ASB3: variants seen among roughly 807,000 people sequenced by gnomAD.
ASB3 encodes ankyrin repeat and SOCS box protein 3.
ASB3 carries 41 observed loss-of-function variants against 54.5 expected under a neutral mutation model. The ratio of observed to expected loss-of-function variants is 0.75; its 90% CI spans 0.59 to 0.98. The LOEUF is 0.98. Among genes scored for constraint, ASB3 ranks in the 50% least tolerant of loss-of-function variants. ASB3 has a pLI of 0.00. For missense variants in ASB3, 733 were observed against 620.0 expected, an observed-to-expected ratio of 1.18 and a Z score of -1.94; for synonymous variants, 266 against 221.2, an observed-to-expected ratio of 1.20 and a Z score of -1.80.
intron 9 of ASB3, among the ~76,000 whole-genome samples, chr2:53,682,003 C>T (rs1188612093): frequency 1.3e-5 from 2 of 151,524 alleles, no homozygotes; most frequent in Non-Finnish European, 2.9e-5. Context: ...ACTAAAAGTA[C>T]AAAAAAATTA....
Position 53,742,819 on chromosome 2 carries a change from C to T in ASB3, c.355+7964G>A, listed in dbSNP as rs2103971203. On this transcript the variant is annotated intron_variant, in intron 3 of 9. Coordinates refer to ENST00000263634, the MANE Select transcript of ASB3 (RefSeq NM_016115.5). ...ATAGACATTGAAAACAGATAAGATA[C>T]CAACATGTAAACACGCTGGCCCAAG... Among the ~76,000 whole-genome samples, 2 of 151,606 alleles carry T rather than the reference C, an allele frequency of 1.3e-5. 1 individual carries two copies. Among genetic ancestry groups the T allele is most frequent in the South Asian group, 4.2e-4 (2 of 4,806 alleles).
chr2:53,783,705 G>T (rs999213114), intron 1 of ASB3, among the ~76,000 whole-genome samples: 1 of 152,162 alleles, frequency 6.6e-6, no homozygotes, highest in Non-Finnish European at 1.5e-5. Context: ...TCAGAGTTTT[G>T]AAGAAAACAA....
intron 9 of ASB3, among the ~76,000 whole-genome samples, chr2:53,682,345 C>A (rs1012627818): frequency 6.6e-6 from 1 of 152,094 alleles, no homozygotes; most frequent in Admixed American, 6.5e-5. Flanking sequence ...TCTTTAATTT[C>A]TTTCATCAGT....
intron 3 of ASB3, among the ~76,000 whole-genome samples, chr2:53,748,781 A>T (rs1162825998): frequency 2.0e-5 from 3 of 152,186 alleles, no homozygotes; most frequent in Non-Finnish European, 4.4e-5. Flanking sequence ...TAAATATAAC[A>T]AGTGATCTTG....
chr2:53,681,778 G>C (rs1399070510), intron 9 of ASB3, among the ~76,000 whole-genome samples: 1 of 152,154 alleles, frequency 6.6e-6, no homozygotes, highest in Non-Finnish European at 1.5e-5. Flanking sequence ...AGTACAATTT[G>C]AAGTAAGGTA....
intron 3 of ASB3, 84 bp from the exon 4 acceptor site, chr2:53,729,654 TA>T (rs1671192712): frequency 8.7e-7 from 1 of 1,151,904 alleles, no homozygotes; most frequent in Non-Finnish European, 1.3e-6. Flanking sequence ...TCTCATCACT[TA>T]CTCACCTCAG....
At chr2:53,754,914 T>C (rs987262011) in intron 2 of ASB3, among the ~76,000 whole-genome samples, 3 of 152,212 alleles carry the variant, frequency 2.0e-5, no homozygotes, top group African/African-American at 4.8e-5. Context: ...AACTGATACA[T>C]GAGTTTTAGC....
chr2:53,768,113 T>G, intron 1 of ASB3: 1 of 1,449,536 alleles, frequency 6.9e-7, no homozygotes, highest in African/African-American at 1.4e-5. Flanking sequence ...GAACCACACC[T>G]TAGCGCTTCA....
intron 5 of ASB3, among the ~76,000 whole-genome samples, chr2:53,718,837 C>T (rs914073259): frequency 7.3e-5 from 11 of 151,586 alleles, no homozygotes; most frequent in African/African-American, 2.4e-5. Flanking sequence ...TGTAACAACA[C>T]CCATAGGCTC....
At chr2:53,785,790 C>A (rs1674938989) in intron 1 of ASB3, among the ~76,000 whole-genome samples, 1 of 152,164 alleles carries the variant, frequency 6.6e-6, no homozygotes, top group South Asian at 2.1e-4. Flanking sequence ...TGCAGTGAGC[C>A]AAGATTATGC....
intron 5 of ASB3, among the ~76,000 whole-genome samples, chr2:53,725,256 T>G (rs114248138): frequency 0.012 from 1,882 of 152,276 alleles, 35 homozygotes; most frequent in African/African-American, 0.044. Flanking sequence ...GACATAAAGA[T>G]AGCAACAACA....
intron 7 of ASB3, among the ~76,000 whole-genome samples, chr2:53,705,943 C>G (rs11692732): frequency 0.1 from 15,598 of 152,166 alleles, 960 homozygotes; most frequent in Non-Finnish European, 0.14. Flanking sequence ...GTACAAGGCA[C>G]ACATCCGGGC....
At chr2:53,730,679 C>T (rs1291381869) in intron 3 of ASB3, among the ~76,000 whole-genome samples, 3 of 152,122 alleles carry the variant, frequency 2.0e-5, no homozygotes, top group Non-Finnish European at 2.9e-5. Context: ...ATACATGTTC[C>T]TTTTTCTCCT....
At chr2:53,692,191 A>G (rs565035641) in intron 9 of ASB3, among the ~76,000 whole-genome samples, 1 of 152,182 alleles carries the variant, frequency 6.6e-6, no homozygotes. Context: ...TATGGATGAA[A>G]TAACAAACAG....
intron 1 of ASB3, chr2:53,768,049 T>TA: frequency 6.2e-7 from 1 of 1,609,668 alleles, no homozygotes. Flanking sequence ...TCCCCACACT[T>TA]ACTGCCCCCT....
At chr2:53,776,270 G>A (rs942140999) in intron 1 of ASB3, among the ~76,000 whole-genome samples, 2 of 151,898 alleles carry the variant, frequency 1.3e-5, no homozygotes, top group African/African-American at 4.8e-5. Context: ...TTTTCCAGAC[G>A]GCATTTCACT....
chr2:53,744,529 A>G (rs1289431772), intron 3 of ASB3, among the ~76,000 whole-genome samples: 3 of 152,202 alleles, frequency 2.0e-5, no homozygotes, highest in Non-Finnish European at 2.9e-5. Context: ...AGTAAACTCC[A>G]TACTTTCAAT....
chr2:53,713,080 T>C lies in ASB3; in HGVS notation c.980+1304A>G, dbSNP rs369644967. ...GAGGCCGGATGGGGTGGCTCACACC[T>C]ATAATCCCATCACTTTTGGAGGCTG... is the stretch of plus-strand genomic sequence containing the variant. On this transcript the variant is annotated intron_variant, in intron 7 of 9. Coordinates refer to ENST00000263634, the MANE Select transcript of ASB3 (RefSeq NM_016115.5). Among the ~76,000 whole-genome samples, 6 of 152,340 alleles carry C rather than the reference T, an allele frequency of 3.9e-5. No homozygotes were observed. The East Asian group carries it at 7.7e-4, about 20-fold the overall frequency.
chr2:53,677,759 C>T (rs112747200), intron 9 of ASB3, among the ~76,000 whole-genome samples: 4 of 151,898 alleles, frequency 2.6e-5, no homozygotes, highest in African/African-American at 9.7e-5. Context: ...GGACTTAAAA[C>T]ATTGAGAAAA....
Sources: allele counts gnomAD v4.1 joint callset (sites outside exome capture counted in the v4.1 genomes callset), GRCh38; gene constraint gnomAD v4.1.1; transcripts MANE v1.5; gene names NCBI Gene and HGNC (gene_info 2026-07-23, HGNC 2026-07-21).